Variants in GRIN2B observed in about 807,000 individuals in gnomAD.
GRIN2B encodes glutamate receptor ionotropic, NMDA 2B.
A neutral mutation model predicts 114.5 loss-of-function variants in GRIN2B; 5 were observed. The observed-to-expected ratio is 0.04, with a 90% CI of 0.02 to 0.09. The LOEUF is 0.09. Ranked by LOEUF, GRIN2B falls within the 10% of genes least tolerant of loss-of-function variation. The probability of loss-of-function intolerance (pLI) is 1.00; values close to 1 mark genes in which losing one functional copy is unlikely to be tolerated. For synonymous variants in GRIN2B, 787 were observed against 745.1 expected (o/e 1.06, Z -0.92); for missense variants, 1,108 against 1,943.5 (o/e 0.57, Z 8.08).
chr12:13,882,532 T>C (rs911576096), intron 2 of GRIN2B, among the ~76,000 whole-genome samples: 10 of 152,180 alleles, frequency 6.6e-5, no homozygotes, highest in African/African-American at 2.4e-4. Flanking sequence ...GCACATCATT[T>C]AGCCTCTCTG....
intron 2 of GRIN2B, among the ~76,000 whole-genome samples, chr12:13,892,269 G>A (rs138172561): frequency 5.8e-4 from 88 of 152,078 alleles, no homozygotes; most frequent in South Asian, 1.2e-3. Flanking sequence ...ATGACAGAAG[G>A]GAAGAAAAAA....
rs146148664 is a variant in GRIN2B at position 13,919,310 on chromosome 12, C to CA, written c.-18-53085dup. Among the ~76,000 whole-genome samples the CA allele has an allele frequency of 8.2e-3, 1,248 of 152,136 alleles. 21 individuals are homozygous for CA. The highest frequency in any genetic ancestry group is 0.029 in the African/African-American group (1,202 of 41,510). ...CCCATATATCATGTACGTAAAAAGC[C>CA]AAAAAAGTCAAGTTAGGGATTAAAA... On this transcript the variant is annotated intron_variant, in intron 2 of 13. Coordinates refer to ENST00000609686, the MANE Select transcript of GRIN2B (RefSeq NM_000834.5).
intron 2 of GRIN2B, among the ~76,000 whole-genome samples, chr12:13,943,776 C>T (rs546362946): frequency 4.6e-5 from 7 of 152,114 alleles, no homozygotes; most frequent in East Asian, 1.9e-4. Context: ...CAGAAATTTC[C>T]GTCACTGTCT....
At chr12:13,912,298 G>A (rs996470069) in intron 2 of GRIN2B, among the ~76,000 whole-genome samples, 1 of 152,132 alleles carries the variant, frequency 6.6e-6, no homozygotes, top group Non-Finnish European at 1.5e-5. Flanking sequence ...AGAAGCAAAA[G>A]AGAGGAGAAA....
At position 13,925,871 on chromosome 12, in the gene GRIN2B, G is replaced by T. The variant is rs976403090; in HGVS notation, c.-19+54057C>A. On this transcript the variant is annotated intron_variant, in intron 2 of 13. Coordinates refer to ENST00000609686, the MANE Select transcript of GRIN2B (RefSeq NM_000834.5). ...CTATTGTTAAAATACAGAGTGACGGGCTTTTACATTAATCCATTAACTCTT... is the reference window on the plus strand; with the variant it reads ...CTATTGTTAAAATACAGAGTGACGGTCTTTTACATTAATCCATTAACTCTT... Among the ~76,000 whole-genome samples, 3 of 152,110 alleles carry T rather than the reference G, an allele frequency of 2.0e-5. No individual in the cohort carries two copies. The East Asian group carries it at 5.8e-4, about 29-fold the overall frequency.
At chr12:13,810,237 A>G (rs1278443504) in intron 3 of GRIN2B, among the ~76,000 whole-genome samples, 1 of 146,396 alleles carries the variant, frequency 6.8e-6, no homozygotes, top group African/African-American at 2.5e-5. Context: ...TTTTTTCGAG[A>G]CAGAGGCTTG....
intron 3 of GRIN2B, among the ~76,000 whole-genome samples, chr12:13,768,616 C>A (rs1056169999): frequency 6.6e-6 from 1 of 152,216 alleles, no homozygotes; most frequent in African/African-American, 2.4e-5. Flanking sequence ...TAGTTCCTCT[C>A]GGCTTTCCAA....
At chr12:13,788,462 T>C (rs1864257827) in intron 3 of GRIN2B, among the ~76,000 whole-genome samples, 1 of 152,190 alleles carries the variant, frequency 6.6e-6, no homozygotes, top group South Asian at 2.1e-4. Flanking sequence ...ATTCAACTCT[T>C]ACCAAGCATT....
At chr12:13,700,012 A>G (rs554420622) in intron 4 of GRIN2B, among the ~76,000 whole-genome samples, 50 of 152,070 alleles carry the variant, frequency 3.3e-4, no homozygotes, top group African/African-American at 1.1e-3. Flanking sequence ...TTCTCTTTCT[A>G]AACTTACCAG....
In GRIN2B at chr12:13,560,235, C is replaced by T. The variant is rs1948524368; in HGVS notation, c.*2548G>A. ...TCCATGAGCATTCGCTTTTTCCAGA[C>T]ACCCTGAAGCAAAAAAGCCATACAA... On this transcript the variant is annotated 3_prime_UTR_variant, in exon 14 of 14. Coordinates refer to ENST00000609686, the MANE Select transcript of GRIN2B (RefSeq NM_000834.5). 6.6e-6 allele frequency: 1 copy of T among 152,070 alleles called. No individual in the cohort carries two copies. Among genetic ancestry groups the T allele is most frequent in the Non-Finnish European group, 1.5e-5 (1 of 68,018 alleles). 9.4% of individuals were successfully genotyped at this position (152,070 alleles called of 1,614,324 possible).
intron 3 of GRIN2B, among the ~76,000 whole-genome samples, chr12:13,833,939 C>T (rs1259348189): frequency 1.3e-5 from 2 of 150,632 alleles, no homozygotes; most frequent in Non-Finnish European, 3.0e-5. Context: ...CATTTGAAAG[C>T]TTGCTGCCTC....
intron 4 of GRIN2B, among the ~76,000 whole-genome samples, chr12:13,743,437 T>A (rs1004455756): frequency 6.6e-5 from 10 of 152,256 alleles, no homozygotes; most frequent in African/African-American, 2.4e-4. Flanking sequence ...TGAGTCATAG[T>A]CTCTAATATG....
intron 2 of GRIN2B, among the ~76,000 whole-genome samples, chr12:13,868,298 T>C (rs1865856792): frequency 6.6e-6 from 1 of 152,084 alleles, no homozygotes; most frequent in Non-Finnish European, 1.5e-5. Context: ...CCTGGAAACC[T>C]TTGCTGATGG....
At chr12:13,971,160 A>G (rs1422992186) in intron 2 of GRIN2B, among the ~76,000 whole-genome samples, 1 of 152,192 alleles carries the variant, frequency 6.6e-6, no homozygotes, top group Non-Finnish European at 1.5e-5. Context: ...TTTCTCCTAA[A>G]TATTTAGTGC....
At chr12:13,824,370 T>C (rs7961783) in intron 3 of GRIN2B, among the ~76,000 whole-genome samples, 5,402 of 152,268 alleles carry the variant, frequency 0.035, 118 homozygotes, top group Middle Eastern at 0.061. Context: ...TCTCTCAAGG[T>C]GTTTGTCTAT....
At chr12:13,565,879 C>T (rs1302660937) in intron 13 of GRIN2B, among the ~76,000 whole-genome samples, 1 of 152,184 alleles carries the variant, frequency 6.6e-6, no homozygotes, top group East Asian at 1.9e-4. Context: ...TTTCCCAGTT[C>T]TTCTAACCCT....
At chr12:13,834,429 C>T (rs1436307775) in intron 3 of GRIN2B, among the ~76,000 whole-genome samples, 3 of 152,000 alleles carry the variant, frequency 2.0e-5, no homozygotes, top group East Asian at 1.9e-4. Flanking sequence ...CAAAGGGCCA[C>T]GTCATGTTTC....
intron 3 of GRIN2B, among the ~76,000 whole-genome samples, chr12:13,777,465 A>G (rs778430473): frequency 4.6e-5 from 7 of 152,080 alleles, no homozygotes; most frequent in Admixed American, 6.5e-5. Context: ...CAGAAGGAAG[A>G]GTTAAAGGAG....
intron 3 of GRIN2B, among the ~76,000 whole-genome samples, chr12:13,755,327 G>C (rs1363632667): frequency 2.0e-5 from 3 of 152,172 alleles, no homozygotes; most frequent in South Asian, 2.1e-4. Context: ...CAAAAATCCT[G>C]ATTCGGCAAT....
Sources: allele counts gnomAD v4.1 joint callset (sites outside exome capture counted in the v4.1 genomes callset), GRCh38; gene constraint gnomAD v4.1.1; transcripts MANE v1.5; gene names NCBI Gene and HGNC (gene_info 2026-07-23, HGNC 2026-07-21).